Variants in SH3GL2 observed in about 807,000 individuals in gnomAD.
SH3GL2 encodes endophilin-A1.
SH3GL2 carries 24 observed loss-of-function variants against 46.0 expected under a neutral mutation model. The observed-to-expected ratio is 0.52, with a 90% CI of 0.38 to 0.73. SH3GL2 has a LOEUF of 0.73. Among genes scored for constraint, SH3GL2 ranks in the 30% least tolerant of loss-of-function variants. SH3GL2 has a pLI of 0.00. For synonymous variants in SH3GL2, 196 were observed against 147.1 expected (o/e 1.33, Z -2.40); for missense variants, 413 against 424.2 (o/e 0.97, Z 0.23).
chr9:17,764,693 A>G (rs878876358), intron 3 of SH3GL2, among the ~76,000 whole-genome samples: 30 of 108,572 alleles, frequency 2.8e-4, no homozygotes, highest in Admixed American at 6.4e-4. Flanking sequence ...TGGCTTTCAC[A>G]TCTTGGGTAC....
At chr9:17,642,358 A>G (rs1163694954) in intron 1 of SH3GL2, among the ~76,000 whole-genome samples, 2 of 151,898 alleles carry the variant, frequency 1.3e-5, no homozygotes, top group African/African-American at 4.8e-5. Flanking sequence ...AAGCTCTTTA[A>G]TTAGATCCCA....
chr9:17,665,640 G>T (rs917348147), intron 1 of SH3GL2, among the ~76,000 whole-genome samples: 3 of 151,886 alleles, frequency 2.0e-5, no homozygotes, highest in East Asian at 1.9e-4. Flanking sequence ...TCAGCTTAAA[G>T]AATGATGTCA....
At chr9:17,750,897 G>A (rs575647298) in intron 2 of SH3GL2, among the ~76,000 whole-genome samples, 80 of 152,286 alleles carry the variant, frequency 5.3e-4, no homozygotes, top group Middle Eastern at 6.8e-3. Flanking sequence ...ACGTAAATCA[G>A]TACCTTACAG....
intron 3 of SH3GL2, among the ~76,000 whole-genome samples, chr9:17,767,057 A>G (rs977532380): frequency 1.3e-5 from 2 of 152,196 alleles, no homozygotes; most frequent in East Asian, 1.9e-4. Flanking sequence ...TTCAGTTTGC[A>G]CTGAGAAGTT....
At chr9:17,675,011 A>G (rs1820572651) in intron 1 of SH3GL2, among the ~76,000 whole-genome samples, 2 of 152,166 alleles carry the variant, frequency 1.3e-5, no homozygotes, top group South Asian at 4.1e-4. Context: ...GTGTGCATAC[A>G]GGGATGGGAG....
intron 3 of SH3GL2, among the ~76,000 whole-genome samples, chr9:17,770,342 T>C (rs1373646126): frequency 1.3e-5 from 2 of 152,202 alleles, no homozygotes; most frequent in African/African-American, 4.8e-5. Context: ...ACAGCCAGAA[T>C]CTTTATTCAG....
At chr9:17,579,788 C>T (rs958619704) in intron 1 of SH3GL2, among the ~76,000 whole-genome samples, 1 of 152,154 alleles carries the variant, frequency 6.6e-6, no homozygotes, top group Non-Finnish European at 1.5e-5. Flanking sequence ...TTGTCAGAAC[C>T]CTCCTTCCCC....
At chr9:17,746,951 C>A in intron 1 of SH3GL2, 115 bp from the exon 2 acceptor site, 1 of 686,178 alleles carries the variant, frequency 1.5e-6, no homozygotes, top group Non-Finnish European at 2.5e-6. Context: ...CCACCTAAGT[C>A]AGGGAATGGT....
intron 1 of SH3GL2, among the ~76,000 whole-genome samples, chr9:17,717,114 A>G (rs1452953142): frequency 6.6e-6 from 1 of 152,066 alleles, no homozygotes; most frequent in Non-Finnish European, 1.5e-5. Flanking sequence ...ATAAAGCTGA[A>G]GGTCTCATCC....
chr9:17,717,249 C>G (rs1821786132), intron 1 of SH3GL2, among the ~76,000 whole-genome samples: 1 of 152,130 alleles, frequency 6.6e-6, no homozygotes, highest in Non-Finnish European at 1.5e-5. Context: ...TTTATGCTGT[C>G]ACATGTTGGG....
At chr9:17,706,910 GA>G (rs1203871884) in intron 1 of SH3GL2, among the ~76,000 whole-genome samples, 2 of 151,998 alleles carry the variant, frequency 1.3e-5, no homozygotes, top group African/African-American at 4.8e-5. Context: ...GTAAGCATTT[GA>G]AAGGCAATTC....
intron 1 of SH3GL2, among the ~76,000 whole-genome samples, chr9:17,612,468 G>T (rs1818889683): frequency 6.6e-6 from 1 of 152,134 alleles, no homozygotes; most frequent in Admixed American, 6.5e-5. Flanking sequence ...AGGTTGTCAG[G>T]TGATTCTTAT....
rs111894784 is a variant in SH3GL2, at chr9:17,649,370, C to T, written c.45+70083C>T. ...GCGTGAGCCACCATACCTGCCCTAT[C>T]GCGTACATTTTTAAAGGCACAATTG... is the stretch of plus-strand genomic sequence containing the variant. On this transcript the variant is annotated intron_variant, in intron 1 of 8. Transcript: ENST00000380607. 1.2e-4 allele frequency among the ~76,000 whole-genome samples: 19 copies of T among 152,230 alleles called. No homozygotes were observed. In the East Asian group the frequency reaches 1.7e-3, roughly 14 times the overall value.
At chr9:17,658,202 A>G (rs1336296707) in intron 1 of SH3GL2, among the ~76,000 whole-genome samples, 1 of 152,232 alleles carries the variant, frequency 6.6e-6, no homozygotes, top group Non-Finnish European at 1.5e-5. Context: ...TCATTAATAA[A>G]TGTTAATTAA....
intron 1 of SH3GL2, among the ~76,000 whole-genome samples, chr9:17,622,787 G>A (rs1819173181): frequency 6.6e-6 from 1 of 152,076 alleles, no homozygotes; most frequent in Non-Finnish European, 1.5e-5. Flanking sequence ...AATGGATCCT[G>A]AGCCTCACCT....
In SH3GL2 at chr9:17,747,042, C is replaced by G. The variant is rs772017141; in HGVS notation, c.46-24C>G. 7 of 1,508,670 alleles carry G rather than the reference C, an allele frequency of 4.6e-6. No individual in the cohort carries two copies. In the South Asian group the frequency reaches 6.9e-5, roughly 15 times the overall value. 93.5% of individuals were successfully genotyped at this position (1,508,670 alleles called of 1,614,324 possible). A position where few individuals can be genotyped will look rare whatever the true frequency, so the allele number is the denominator to read the frequency against. On this transcript the variant is annotated intron_variant, in intron 1 of 8. Transcript: ENST00000380607. ...TTTAAAGAAACTGTTTATAATAATTCTCCTTTGTGGTTATTTTCTACAGAA... is the reference window on the plus strand; with the variant it reads ...TTTAAAGAAACTGTTTATAATAATTGTCCTTTGTGGTTATTTTCTACAGAA...
chr9:17,791,512 G>A (rs527299827), intron 7 of SH3GL2, among the ~76,000 whole-genome samples, 178 bp downstream of exon 7: 1 of 152,254 alleles, frequency 6.6e-6, no homozygotes, highest in East Asian at 1.9e-4. Flanking sequence ...GTTTTACGTT[G>A]TTCTGTTGAA....
intron 1 of SH3GL2, among the ~76,000 whole-genome samples, chr9:17,729,476 T>C (rs1822114817): frequency 6.6e-6 from 1 of 152,230 alleles, no homozygotes. Context: ...TAGATCCCAT[T>C]TGTCAATTTT....
chr9:17,744,673 G>T (rs940785410), intron 1 of SH3GL2, among the ~76,000 whole-genome samples: 2 of 152,078 alleles, frequency 1.3e-5, no homozygotes, highest in Non-Finnish European at 2.9e-5. Flanking sequence ...TGGCCTAGTA[G>T]GTTCTTAACT....
Sources: allele counts gnomAD v4.1 joint callset (sites outside exome capture counted in the v4.1 genomes callset), GRCh38; gene constraint gnomAD v4.1.1; transcripts MANE v1.5; gene names NCBI Gene and HGNC (gene_info 2026-07-23, HGNC 2026-07-21).